PLCB1: variants seen among roughly 807,000 people sequenced by gnomAD.
PLCB1 encodes 1-phosphatidylinositol 4,5-bisphosphate phosphodiesterase beta-1.
PLCB1 carries 46 observed loss-of-function variants against 161.8 expected under a neutral mutation model. That is an observed-to-expected ratio of 0.28 (90% CI 0.22 to 0.36). The LOEUF (loss-of-function observed/expected upper bound fraction) is 0.36, where lower values mean the gene tolerates loss of function less well. Among genes scored for constraint, PLCB1 ranks in the 10% least tolerant of loss-of-function variants. The pLI is 1.00. For synonymous variants in PLCB1, 517 were observed against 503.7 expected, an observed-to-expected ratio of 1.03 and a Z score of -0.35; for missense variants, 1,016 against 1,472.5, an observed-to-expected ratio of 0.69 and a Z score of 5.07.
At chr20:8,631,782 C>T (rs1988596108) in intron 4 of PLCB1, among the ~76,000 whole-genome samples, 1 of 152,222 alleles carries the variant, frequency 6.6e-6, no homozygotes, top group South Asian at 2.1e-4. Flanking sequence ...ATCTCTCATC[C>T]CCTATAAAGG....
At chr20:8,150,256 A>G (rs2123032353) in intron 1 of PLCB1, 38 bp from the exon 2 acceptor site, 2 of 875,784 alleles carry the variant, frequency 2.3e-6, no homozygotes, top group East Asian at 5.0e-5. Context: ...TTCTACAGTG[A>G]TATATGTTGA....
intron 2 of PLCB1, among the ~76,000 whole-genome samples, chr20:8,260,412 C>T (rs969704475): frequency 6.6e-6 from 1 of 151,964 alleles, no homozygotes; most frequent in African/African-American, 2.4e-5. Context: ...ATGAAAATCA[C>T]AAAGTAAGAC....
chr20:8,199,728 A>T (rs949457265), intron 2 of PLCB1, among the ~76,000 whole-genome samples: 1 of 152,180 alleles, frequency 6.6e-6, no homozygotes, highest in African/African-American at 2.4e-5. Context: ...TTAAAATATT[A>T]CTTCTGAAAT....
At chr20:8,196,732 A>G (rs1011791127) in intron 2 of PLCB1, among the ~76,000 whole-genome samples, 1 of 151,850 alleles carries the variant, frequency 6.6e-6, no homozygotes, top group African/African-American at 2.4e-5. Context: ...GGTTTGTTAC[A>G]TACGTATACA....
chr20:8,496,732 A>G (rs938474551), intron 3 of PLCB1, among the ~76,000 whole-genome samples: 10 of 152,196 alleles, frequency 6.6e-5, no homozygotes, highest in African/African-American at 2.4e-4. Flanking sequence ...TCAAAGAAAG[A>G]CTGGCAGAGC....
At chr20:8,330,842 G>A (rs919975595) in intron 2 of PLCB1, among the ~76,000 whole-genome samples, 3 of 152,190 alleles carry the variant, frequency 2.0e-5, no homozygotes, top group African/African-American at 4.8e-5. Context: ...TGTCATAAAG[G>A]ATAGATGTAA....
intron 7 of PLCB1, among the ~76,000 whole-genome samples, chr20:8,653,987 A>G (rs1467079494): frequency 6.6e-6 from 1 of 152,104 alleles, no homozygotes; most frequent in Non-Finnish European, 1.5e-5. Context: ...AAGCTCATAG[A>G]ACTATGTTTG....
intron 3 of PLCB1, among the ~76,000 whole-genome samples, chr20:8,500,895 G>C (rs978561321): frequency 2.0e-5 from 3 of 152,130 alleles, no homozygotes; most frequent in Non-Finnish European, 4.4e-5. Context: ...GGGTGGTCAG[G>C]AGGCTTAAGT....
chr20:8,648,056 T>C, intron 6 of PLCB1, 103 bp downstream of exon 6: 2 of 752,032 alleles, frequency 2.7e-6, no homozygotes, highest in Non-Finnish European at 4.4e-6. Flanking sequence ...AGTGGGAGTG[T>C]GGAAATGCGT....
intron 2 of PLCB1, among the ~76,000 whole-genome samples, chr20:8,289,018 G>A (rs1412813880): frequency 2.6e-5 from 4 of 152,078 alleles, no homozygotes; most frequent in African/African-American, 9.7e-5. Context: ...ATGAGTAGGG[G>A]CGGGATGAGG....
Position 8,553,274 on chromosome 20 carries a change from C to T in PLCB1, c.247-75020C>T, listed in dbSNP as rs564844164. Among the ~76,000 whole-genome samples, 3 of 152,200 alleles carry T rather than the reference C, an allele frequency of 2.0e-5. No homozygotes were observed. The South Asian group carries it at 6.2e-4, about 32-fold the overall frequency. ...CCTTTTGGTTTCTGCTATTGCAAGGCAGGATATAGATACAGTTTCTCACTA... is the reference window on the plus strand; with the variant it reads ...CCTTTTGGTTTCTGCTATTGCAAGGTAGGATATAGATACAGTTTCTCACTA... On this transcript the variant is annotated intron_variant, in intron 3 of 31. Coordinates refer to ENST00000338037, the MANE Select transcript of PLCB1 (RefSeq NM_015192.4).
intron 2 of PLCB1, among the ~76,000 whole-genome samples, chr20:8,311,847 T>C (rs974977339): frequency 6.6e-6 from 1 of 152,162 alleles, no homozygotes; most frequent in African/African-American, 2.4e-5. Flanking sequence ...TATTCCACAA[T>C]TGACAAAAAC....
intron 2 of PLCB1, among the ~76,000 whole-genome samples, chr20:8,267,245 A>G (rs1326196561): frequency 6.6e-6 from 1 of 151,948 alleles, no homozygotes; most frequent in African/African-American, 2.4e-5. Flanking sequence ...TGGGCTGGTG[A>G]TTCTCCAGCT....
At chr20:8,547,644 C>T (rs751623578) in intron 3 of PLCB1, among the ~76,000 whole-genome samples, 1 of 152,186 alleles carries the variant, frequency 6.6e-6, no homozygotes, top group Non-Finnish European at 1.5e-5. Context: ...AACTACCCCA[C>T]TTGTCAGTCC....
chr20:8,774,761 TC>T, intron 27 of PLCB1, 42 bp downstream of exon 27: 1 of 1,522,012 alleles, frequency 6.6e-7, no homozygotes, highest in Non-Finnish European at 9.0e-7. Context: ...CAACTGGAAC[TC>T]CCTTATAGGA....
intron 31 of PLCB1, among the ~76,000 whole-genome samples, chr20:8,844,788 G>A (rs539680960): frequency 6.6e-6 from 1 of 152,128 alleles, no homozygotes; most frequent in Admixed American, 6.6e-5. Flanking sequence ...CTGAACATAT[G>A]CATGCATCTT....
intron 31 of PLCB1, among the ~76,000 whole-genome samples, chr20:8,829,123 T>C (rs1985857687): frequency 6.6e-6 from 1 of 152,208 alleles, no homozygotes; most frequent in Admixed American, 6.5e-5. Flanking sequence ...TCAACTCTTC[T>C]ATATGTGAAA....
At chr20:8,196,161 C>G (rs559555532) in intron 2 of PLCB1, among the ~76,000 whole-genome samples, 1 of 152,256 alleles carries the variant, frequency 6.6e-6, no homozygotes, top group Non-Finnish European at 1.5e-5. Flanking sequence ...ATTATGACAA[C>G]TCAAGGTGAG....
At chr20:8,621,420 GCTAA>G (rs1988180416) in intron 3 of PLCB1, among the ~76,000 whole-genome samples, 1 of 152,104 alleles carries the variant, frequency 6.6e-6, no homozygotes, top group Non-Finnish European at 1.5e-5. Context: ...GGAGGAAAAA[GCTAA>G]CTACTTTTTC....
Sources: gnomAD v4.1 joint callset for allele counts (sites outside exome capture counted in the v4.1 genomes callset) on GRCh38, gnomAD v4.1.1 for gene constraint, MANE v1.5 for transcripts, NCBI Gene and HGNC (gene_info 2026-07-23, HGNC 2026-07-21) for gene names.